DOCK3: variants seen among roughly 807,000 people sequenced by gnomAD.
DOCK3 encodes dedicator of cytokinesis protein 3.
Under a neutral mutation model 265.6 loss-of-function variants are expected in DOCK3, and 60 were observed. The observed-to-expected ratio is 0.23, with a 90% CI of 0.18 to 0.28. DOCK3 has a LOEUF of 0.28. Among genes scored for constraint, DOCK3 ranks in the 10% least tolerant of loss-of-function variants. The pLI is 1.00. For missense variants in DOCK3, 1,981 were observed against 2,594.3 expected (o/e 0.76, Z 5.14); for synonymous variants, 881 against 938.0 (o/e 0.94, Z 1.11).
At chr3:50,765,925 C>G (rs961122877) in intron 1 of DOCK3, among the ~76,000 whole-genome samples, 2 of 152,138 alleles carry the variant, frequency 1.3e-5, no homozygotes, top group African/African-American at 4.8e-5. Context: ...CCCTTAACCA[C>G]CCCCAGCCCC....
At chr3:51,033,309 C>T (rs564110874) in intron 5 of DOCK3, among the ~76,000 whole-genome samples, 1 of 152,200 alleles carries the variant, frequency 6.6e-6, no homozygotes, top group Admixed American at 6.6e-5. Flanking sequence ...GATGTTACTT[C>T]TTCAGCCCTT....
At position 51,275,190 on chromosome 3, in the gene DOCK3, T is replaced by A. The variant is rs2080743684; in HGVS notation, c.2660T>A (p.Val887Asp). 1 of 1,613,944 alleles carries A rather than the reference T, an allele frequency of 6.2e-7. No homozygotes were observed. Among genetic ancestry groups the A allele is most frequent in the Non-Finnish European group, 8.5e-7 (1 of 1,179,868 alleles). The stretch of plus-strand genomic sequence containing the variant: ...ATTCTTGGCAGCATCTTCTCCATCG[T>A]CAAGACCAGCTCTCTGGTAGTGGCC... ...SGILGSIFSI[V>D]KTSSLEADVM... is the part of the protein sequence containing the mutation. The change falls in exon 25 of 53, where the codon GTC (valine) becomes GAC (aspartate). Residue 887 changes from valine (V) to aspartate (D), a missense_variant. Coordinates refer to ENST00000266037, the MANE Select transcript of DOCK3 (RefSeq NM_004947.5).
At chr3:51,273,837 A>G (rs1203500324) in intron 24 of DOCK3, among the ~76,000 whole-genome samples, 1 of 152,258 alleles carries the variant, frequency 6.6e-6, no homozygotes, top group Non-Finnish European at 1.5e-5. Context: ...TGCTAGCCAG[A>G]TATGATGGGA....
At chr3:51,208,706 A>G (rs905045893) in intron 12 of DOCK3, 68 bp from the exon 13 acceptor site, 77 of 1,278,694 alleles carry the variant, frequency 6.0e-5, no homozygotes, top group Middle Eastern at 1.8e-4. Context: ...CTTAAGTGTT[A>G]CACATTGGAA....
chr3:50,730,038 T>C (rs1193987245), intron 1 of DOCK3, among the ~76,000 whole-genome samples: 2 of 152,038 alleles, frequency 1.3e-5, no homozygotes, highest in Admixed American at 1.3e-4. Flanking sequence ...ATAAAAGAAC[T>C]TTCCCACCAA....
At chr3:50,739,535 G>A (rs1285450856) in intron 1 of DOCK3, among the ~76,000 whole-genome samples, 2 of 151,928 alleles carry the variant, frequency 1.3e-5, no homozygotes, top group Admixed American at 6.6e-5. Context: ...GTCTATTCCC[G>A]GAATGTTTAA....
intron 11 of DOCK3, 133 bp from the exon 12 acceptor site, chr3:51,160,422 T>C: frequency 6.0e-6 from 7 of 1,175,636 alleles, no homozygotes; most frequent in Non-Finnish European, 8.0e-6. Flanking sequence ...GATGACTCCC[T>C]TCAGCCCTGT....
intron 5 of DOCK3, among the ~76,000 whole-genome samples, chr3:51,012,351 G>A (rs1448782587): frequency 6.6e-6 from 1 of 152,156 alleles, no homozygotes; most frequent in Non-Finnish European, 1.5e-5. Flanking sequence ...AGCAATGGCA[G>A]GCACCCTCCT....
At chr3:51,014,655 A>G (rs867082442) in intron 5 of DOCK3, among the ~76,000 whole-genome samples, 11 of 152,014 alleles carry the variant, frequency 7.2e-5, no homozygotes, top group South Asian at 2.1e-4. Context: ...GGTTCCATAC[A>G]GATGTTAGGA....
At chr3:50,842,486 A>G (rs184063620) in intron 3 of DOCK3, among the ~76,000 whole-genome samples, 1 of 152,330 alleles carries the variant, frequency 6.6e-6, no homozygotes, top group East Asian at 1.9e-4. Context: ...TTATAAGGAA[A>G]CAGTATCTTT....
chr3:50,970,948 A>ATAATGTG (rs1559878922), intron 5 of DOCK3, among the ~76,000 whole-genome samples: 1 of 51,762 alleles, frequency 1.9e-5, no homozygotes, highest in Non-Finnish European at 3.3e-5. Flanking sequence ...TATATATATA[A>ATAATGTG]TGTGTGTGTG....
intron 49 of DOCK3, among the ~76,000 whole-genome samples, chr3:51,364,608 A>G (rs1407457192): frequency 2.6e-5 from 4 of 152,096 alleles, no homozygotes; most frequent in Non-Finnish European, 5.9e-5. Flanking sequence ...TGGGGTTTTT[A>G]TGGTTTTAGG....
chr3:51,049,812 C>CAG (rs2080921879), intron 5 of DOCK3, among the ~76,000 whole-genome samples: 1 of 141,828 alleles, frequency 7.1e-6, no homozygotes, highest in Non-Finnish European at 1.5e-5. Flanking sequence ...CACACACACA[C>CAG]ACACACACAC....
At chr3:50,988,206 G>C (rs533055698) in intron 5 of DOCK3, among the ~76,000 whole-genome samples, 3 of 152,248 alleles carry the variant, frequency 2.0e-5, no homozygotes, top group Admixed American at 6.5e-5. Flanking sequence ...GCTTTGGAGA[G>C]TCTGAGCTCC....
intron 10 of DOCK3, among the ~76,000 whole-genome samples, chr3:51,148,818 C>T (rs1186932063): frequency 1.3e-5 from 2 of 152,122 alleles, no homozygotes; most frequent in African/African-American, 4.8e-5. Context: ...ATTGTCTTGG[C>T]AATGTGGGCT....
chr3:50,950,659 C>G (rs950258581), intron 5 of DOCK3, among the ~76,000 whole-genome samples: 1 of 152,086 alleles, frequency 6.6e-6, no homozygotes, highest in South Asian at 2.1e-4. Context: ...TACCTACCTT[C>G]TAGAATTCCA....
At chr3:51,245,025 G>A (rs751851845) in intron 21 of DOCK3, among the ~76,000 whole-genome samples, 2 of 152,128 alleles carry the variant, frequency 1.3e-5, no homozygotes, top group African/African-American at 2.4e-5. Context: ...AGAAACACAG[G>A]TTATCTAAGA....
chr3:51,315,051 G>C lies in DOCK3; in HGVS notation c.3325G>C (p.Glu1109Gln). The change falls in exon 32 of 53, where the codon GAA (glutamate) becomes CAA (glutamine). Residue 1109 changes from glutamate (E) to glutamine (Q), a missense_variant. Physicochemically the swap from Glu to Gln is conservative, Grantham distance 29. Around this residue, in one of 4 missense-constraint regions of DOCK3, gnomAD observed 1,357 missense variants for 1,866.8 expected, o/e 0.73. Transcript: ENST00000266037. Reference protein sequence around the residue: ...FLGVTLVPQPEVRNIMIPIFH... With the variant: ...FLGVTLVPQPQVRNIMIPIFH... Reference sequence around the variant, plus strand: ...GGGTGTGACACTGGTCCCACAGCCAGAAGTACGGAATATCATGATTCCCAT... The same window carrying C: ...GGGTGTGACACTGGTCCCACAGCCACAAGTACGGAATATCATGATTCCCAT... The C allele has an allele frequency of 6.2e-7, 1 of 1,613,060 alleles. No homozygotes were observed. The highest frequency in any genetic ancestry group is 8.5e-7 in the Non-Finnish European group (1 of 1,179,372).
intron 12 of DOCK3, among the ~76,000 whole-genome samples, chr3:51,161,460 GAAAA>G (rs1203566510): frequency 6.6e-6 from 1 of 151,508 alleles, no homozygotes; most frequent in Non-Finnish European, 1.5e-5. Context: ...AAAAAAGAAA[GAAAA>G]AAAGAACAAA....
Sources: gnomAD v4.1 joint callset for allele counts (sites outside exome capture counted in the v4.1 genomes callset) on GRCh38, gnomAD v4.1.1 for gene constraint, gnomAD v4.1.1 regional missense constraint, MANE v1.5 for transcripts, NCBI Gene and HGNC (gene_info 2026-07-23, HGNC 2026-07-21) for gene names.